Variants in UTRN observed in about 807,000 individuals in gnomAD.
UTRN encodes the protein utrophin.
A neutral mutation model predicts 463.9 loss-of-function variants in UTRN; 283 were observed. The observed-to-expected ratio is 0.61, with a 90% CI of 0.55 to 0.67. The LOEUF is 0.67. UTRN is among the 30% of genes least tolerant of loss of function. The probability of loss-of-function intolerance (pLI) is 0.00; values close to 1 mark genes in which losing one functional copy is unlikely to be tolerated. For synonymous variants in UTRN, 1,442 were observed against 1,431.5 expected (o/e 1.01, Z -0.17); for missense variants, 3,922 against 4,084.3 (o/e 0.96, Z 1.08).
In UTRN at chr6:144,533,718, GTAATA is replaced by G. The variant is rs10524732; in HGVS notation, c.6233+476_6233+480del. Among the ~76,000 whole-genome samples, 900 of 148,624 alleles carry G rather than the reference GTAATA, an allele frequency of 6.1e-3. 12 individuals are homozygous for G. The highest frequency in any genetic ancestry group is 0.021 in the African/African-American group (843 of 40,634). On this transcript the variant is annotated intron_variant, in intron 43 of 74. Coordinates refer to ENST00000367545, the MANE Select transcript of UTRN (RefSeq NM_007124.3). ...GCCAATAATAAAGTTCTTCATCTAT[GTAATA>G]TAATATAATATAATATAGTATTATT...
intron 2 of UTRN, among the ~76,000 whole-genome samples, chr6:144,374,092 G>C (rs2114719169): frequency 6.6e-6 from 1 of 152,106 alleles, no homozygotes; most frequent in East Asian, 1.9e-4. Flanking sequence ...TATATAATTG[G>C]GTACTCTCAA....
chr6:144,391,094 C>G (rs1297322644), intron 2 of UTRN, among the ~76,000 whole-genome samples: 3 of 150,740 alleles, frequency 2.0e-5, no homozygotes, highest in African/African-American at 7.3e-5. Context: ...TTTTTTGACA[C>G]AAGGTCTTGC....
intron 65 of UTRN, among the ~76,000 whole-genome samples, chr6:144,814,310 A>G (rs942154727): frequency 1.3e-5 from 2 of 152,206 alleles, no homozygotes; most frequent in African/African-American, 4.8e-5. Context: ...ACTGGACCAC[A>G]GATCTACCAA....
chr6:144,754,173 T>A (rs780648240), intron 56 of UTRN, among the ~76,000 whole-genome samples: 7 of 152,156 alleles, frequency 4.6e-5, no homozygotes, highest in Non-Finnish European at 8.8e-5. Flanking sequence ...GGCTTCTTTT[T>A]CATTTGCTCC....
chr6:144,424,147 G>A (rs1584728931), intron 6 of UTRN, 69 bp downstream of exon 6: 1 of 1,537,770 alleles, frequency 6.5e-7, no homozygotes, highest in South Asian at 1.1e-5. Context: ...GTTTCTTAAG[G>A]CTGCCGTAAC....
intron 53 of UTRN, among the ~76,000 whole-genome samples, chr6:144,701,946 T>C (rs933638300): frequency 4.6e-5 from 7 of 152,066 alleles, no homozygotes; most frequent in Non-Finnish European, 8.8e-5. Flanking sequence ...ATATGCAAGA[T>C]AATAATAATA....
Position 144,539,452 on chromosome 6 carries a change from A to G in UTRN, c.6519+9A>G, listed in dbSNP as rs1299507359. The G allele has an allele frequency of 4.4e-6, 7 of 1,582,390 alleles. No homozygotes were observed. Among genetic ancestry groups the G allele is most frequent in the Non-Finnish European group, 5.2e-6 (6 of 1,163,868 alleles). ...ATATGACATGGAATAAGGTGTGTGT[A>G]AAGTTACTATCACACATTTCTCATA... On this transcript the variant is annotated intron_variant, in intron 45 of 74. Transcript: ENST00000367545.
chr6:144,716,789 A>G (rs1294459110), intron 53 of UTRN, among the ~76,000 whole-genome samples: 1 of 152,204 alleles, frequency 6.6e-6, no homozygotes, highest in Non-Finnish European at 1.5e-5. Flanking sequence ...TCACTTAGAT[A>G]CATGTCATGC....
intron 51 of UTRN, among the ~76,000 whole-genome samples, chr6:144,621,154 G>T (rs1300181134): frequency 6.6e-6 from 1 of 152,132 alleles, no homozygotes; most frequent in Non-Finnish European, 1.5e-5. Flanking sequence ...GATTAAATGA[G>T]CTATTACAGG....
chr6:144,780,472 T>G (rs1775726184), intron 60 of UTRN, among the ~76,000 whole-genome samples: 1 of 152,140 alleles, frequency 6.6e-6, no homozygotes, highest in African/African-American at 2.4e-5. Context: ...TTATAAAAAC[T>G]GATGTCTATG....
intron 54 of UTRN, among the ~76,000 whole-genome samples, chr6:144,737,107 C>T (rs530112534): frequency 6.6e-6 from 1 of 152,056 alleles, no homozygotes; most frequent in Non-Finnish European, 1.5e-5. Context: ...AGTGATTACC[C>T]TCATTGATGG....
At chr6:144,846,359 G>A (rs949942284) in intron 73 of UTRN, among the ~76,000 whole-genome samples, 18 of 152,182 alleles carry the variant, frequency 1.2e-4, no homozygotes, top group African/African-American at 4.1e-4. Flanking sequence ...TTTCCTGGGC[G>A]TTAGGGTCCA....
At chr6:144,289,708 G>A (rs1804036373) in intron 1 of UTRN, among the ~76,000 whole-genome samples, 1 of 152,004 alleles carries the variant, frequency 6.6e-6, no homozygotes, top group African/African-American at 2.4e-5. Context: ...GAGAGTAATA[G>A]CACAATTTCG....
At chr6:144,839,331 T>C (rs1325206718) in intron 72 of UTRN, 47 bp downstream of exon 72, 3 of 1,491,476 alleles carry the variant, frequency 2.0e-6, no homozygotes, top group Admixed American at 1.8e-5. Flanking sequence ...TGCTTTGTGC[T>C]TTGCCATTAG....
chr6:144,538,511 C>CA (rs35407714), intron 44 of UTRN, among the ~76,000 whole-genome samples: 79,179 of 149,844 alleles, frequency 0.53, 22,476 homozygotes, highest in East Asian at 0.85. Context: ...TATAAAAATA[C>CA]AAAAAAAAAT....
intron 9 of UTRN, among the ~76,000 whole-genome samples, chr6:144,431,522 C>T (rs758318966): frequency 6.6e-6 from 1 of 152,236 alleles, no homozygotes; most frequent in Non-Finnish European, 1.5e-5. Flanking sequence ...TTTCTACAAA[C>T]ATACGCTGGT....
intron 44 of UTRN, among the ~76,000 whole-genome samples, chr6:144,538,978 G>C (rs1249116945): frequency 1.3e-5 from 2 of 152,140 alleles, no homozygotes; most frequent in Admixed American, 6.5e-5. Flanking sequence ...ATATTAGGAT[G>C]GAGTAGCAAG....
intron 25 of UTRN, among the ~76,000 whole-genome samples, chr6:144,479,407 C>A (rs190750662): frequency 1.3e-3 from 200 of 152,234 alleles, no homozygotes; most frequent in Non-Finnish European, 1.5e-3. Context: ...GTGTGAGCCA[C>A]CAAGACTGAC....
In UTRN at chr6:144,835,883, A is replaced by C. The variant is rs1414985753; in HGVS notation, c.9769A>C (p.Arg3257=). ...AGCTCAGATCCTGAAGTCAGTAGAG[A>C]GGGAAGAACGTGGAGAACTGGAGAG... ...SPAQILKSVE[R]EERGELERII... Residue 3257 remains arginine, a synonymous_variant, in exon 70 of 75, where the codon AGG becomes CGG. Transcript: ENST00000367545. 6.2e-7 allele frequency: 1 copy of C among 1,614,130 alleles called. No homozygotes were observed. The highest frequency in any genetic ancestry group is 1.1e-5 in the South Asian group (1 of 91,082).
Sources: allele counts gnomAD v4.1 joint callset (sites outside exome capture counted in the v4.1 genomes callset), GRCh38; gene constraint gnomAD v4.1.1; transcripts MANE v1.5; gene names NCBI Gene and HGNC (gene_info 2026-07-23, HGNC 2026-07-21).